The following ST3GAL3 variants were observed in gnomAD, a reference collection of about 807,000 sequenced individuals.
ST3GAL3 encodes the protein CMP-N-acetylneuraminate-beta-1,4-galactoside alpha-2,3-sialyltransferase.
In ST3GAL3, 21 loss-of-function variants were observed where a neutral mutation model predicts 50.1. That is an observed-to-expected ratio of 0.42 (90% CI 0.30 to 0.60). The LOEUF (loss-of-function observed/expected upper bound fraction) is 0.60, where lower values mean the gene tolerates loss of function less well. Among genes scored for constraint, ST3GAL3 ranks in the 20% least tolerant of loss-of-function variants. The pLI is 0.19. For missense variants in ST3GAL3, 353 were observed against 489.4 expected (o/e 0.72, Z 2.63); for synonymous variants, 183 against 190.0 (o/e 0.96, Z 0.30).
intron 9 of ST3GAL3, among the ~76,000 whole-genome samples, chr1:43,906,052 C>T (rs1160274579): frequency 9.2e-5 from 9 of 98,252 alleles, no homozygotes; most frequent in Admixed American, 5.2e-4. Flanking sequence ...CCCTCCCCCT[C>T]CTGCTCCTCT....
At chr1:43,732,617 G>A (rs1676428892) in intron 1 of ST3GAL3, among the ~76,000 whole-genome samples, 1 of 152,094 alleles carries the variant, frequency 6.6e-6, no homozygotes, top group Non-Finnish European at 1.5e-5. Context: ...TTACTCCTTT[G>A]CATATGCCAT....
Position 43,928,881 on chromosome 1 carries a change from C to T in ST3GAL3, c.1039-1251C>T, listed in dbSNP as rs181240935. Among the ~76,000 whole-genome samples the T allele has an allele frequency of 3.7e-3, 557 of 152,306 alleles. 5 individuals are homozygous for T. Among genetic ancestry groups the T allele is most frequent in the African/African-American group, 0.013 (539 of 41,558 alleles). ...CTGAGATCACACCACTGCACACCAG[C>T]CTGGGCAACAAGAGCGAAACTCTGT... On this transcript the variant is annotated intron_variant, in intron 11 of 11. Transcript: ENST00000347631.
In ST3GAL3 at chr1:43,782,838, CA is replaced by C. The variant is rs1435787263; in HGVS notation, c.119-9260del. Reference sequence around the variant, plus strand: ...CATTTTTTTTTCAAAAGATCAGTGTCAAAATTCGTTTGGCAGTAAAATCTGA... The same window carrying C: ...CATTTTTTTTTCAAAAGATCAGTGTCAAATTCGTTTGGCAGTAAAATCTGA... On this transcript the variant is annotated intron_variant, in intron 2 of 11. Transcript: ENST00000347631. Among the ~76,000 whole-genome samples, 12 of 152,102 alleles carry C rather than the reference CA, an allele frequency of 7.9e-5. No homozygotes were observed. The East Asian group carries it at 2.3e-3, about 29-fold the overall frequency.
chr1:43,831,366 G>A (rs1287927134), intron 4 of ST3GAL3, among the ~76,000 whole-genome samples: 1 of 152,228 alleles, frequency 6.6e-6, no homozygotes, highest in African/African-American at 2.4e-5. Context: ...GTCCATGTAT[G>A]ATATATTGAC....
chr1:43,889,291 A>G (rs987706661), intron 5 of ST3GAL3, among the ~76,000 whole-genome samples: 1 of 152,154 alleles, frequency 6.6e-6, no homozygotes, highest in Admixed American at 6.5e-5. Context: ...ATAAAAATGA[A>G]TACTGTATGG....
intron 9 of ST3GAL3, among the ~76,000 whole-genome samples, chr1:43,905,435 GTCCTGCTCCTCTTCCCA>G (rs1557445963): frequency 3.3e-4 from 8 of 24,604 alleles, no homozygotes; most frequent in Non-Finnish European, 4.5e-4. Context: ...CCTCCCCCTC[GTCCTGCTCCTCTTCCCA>G]CCACTGTTCC....
intron 5 of ST3GAL3, among the ~76,000 whole-genome samples, chr1:43,871,306 C>G (rs1244625053): frequency 6.6e-6 from 1 of 152,174 alleles, no homozygotes; most frequent in African/African-American, 2.4e-5. Flanking sequence ...TGGTAGAGAA[C>G]TCAGGAGAAG....
Position 43,898,219 on chromosome 1 carries a change from TCTC to T in ST3GAL3, c.398-12_398-10del. ...TAAGTGACCCTGTAACAGAAACCTC[TCTC>T]CTCTGTCTGCAGACAATCTGATCAA... On this transcript the variant is annotated splice_polypyrimidine_tract_variant and intron_variant, in intron 6 of 11. Transcript: ENST00000347631. 6.2e-7 allele frequency: 1 copy of T among 1,613,646 alleles called. No individual in the cohort carries two copies. Among genetic ancestry groups the T allele is most frequent in the Non-Finnish European group, 8.5e-7 (1 of 1,179,876 alleles).
chr1:43,880,019 C>T (rs1383572140), intron 5 of ST3GAL3, among the ~76,000 whole-genome samples: 1 of 152,224 alleles, frequency 6.6e-6, no homozygotes, highest in African/African-American at 2.4e-5. Flanking sequence ...CACAGCTTAG[C>T]AATCCTTGTC....
chr1:43,751,148 G>A (rs1685907046), intron 2 of ST3GAL3, among the ~76,000 whole-genome samples: 1 of 152,104 alleles, frequency 6.6e-6, no homozygotes, highest in Non-Finnish European at 1.5e-5. Flanking sequence ...TATTCTCACT[G>A]TTTTTTAAAG....
At chr1:43,819,913 T>TA (rs2061872924) in intron 4 of ST3GAL3, among the ~76,000 whole-genome samples, 1 of 152,178 alleles carries the variant, frequency 6.6e-6, no homozygotes, top group Admixed American at 6.5e-5. Context: ...GGTAATGACT[T>TA]ACAGCTGCAT....
At chr1:43,847,270 C>T (rs1401755619) in intron 5 of ST3GAL3, among the ~76,000 whole-genome samples, 2 of 152,088 alleles carry the variant, frequency 1.3e-5, no homozygotes, top group African/African-American at 2.4e-5. Context: ...ATAGGATTGC[C>T]GTATGATCCA....
At chr1:43,854,891 C>T (rs150950513) in intron 5 of ST3GAL3, among the ~76,000 whole-genome samples, 3 of 152,266 alleles carry the variant, frequency 2.0e-5, no homozygotes, top group Non-Finnish European at 4.4e-5. Flanking sequence ...GTCTTCTTTC[C>T]GAGGTCAGTT....
At chr1:43,763,354 G>A (rs988490521) in intron 2 of ST3GAL3, among the ~76,000 whole-genome samples, 3 of 152,090 alleles carry the variant, frequency 2.0e-5, no homozygotes, top group Admixed American at 6.6e-5. Flanking sequence ...GTAGCTGGTT[G>A]TTATATTCCT....
intron 9 of ST3GAL3, among the ~76,000 whole-genome samples, chr1:43,905,441 C>T (rs1016865296): frequency 3.9e-4 from 45 of 115,980 alleles, no homozygotes; most frequent in Non-Finnish European, 6.4e-4. Flanking sequence ...CCTCGTCCTG[C>T]TCCTCTTCCC....
rs2072748087 is a variant in ST3GAL3, at chr1:43,871,520, ATGGGGTG to A, written c.303-22860_303-22854del. Among the ~76,000 whole-genome samples the A allele has an allele frequency of 1.3e-4, 7 of 53,884 alleles. No homozygotes were observed. In the East Asian group the frequency reaches 3.6e-3, roughly 28 times the overall value. The allele number at this position is 53,884 out of a possible 152,430, so 35.3% of individuals were successfully genotyped here. On this transcript the variant is annotated intron_variant, in intron 5 of 11. Transcript: ENST00000347631. The stretch of plus-strand genomic sequence containing the variant: ...GAGAGGATGGGGTGTGAGGGAGAGG[ATGGGGTG>A]TGAGGGAGAGGATGGGGTGTGTGGG...
At chr1:43,730,973 G>C (rs188337671) in intron 1 of ST3GAL3, among the ~76,000 whole-genome samples, 1 of 152,150 alleles carries the variant, frequency 6.6e-6, no homozygotes, top group Admixed American at 6.5e-5. Context: ...CCACTTTTCA[G>C]AGATAATTAT....
chr1:43,719,566 G>C (rs1237299443), intron 1 of ST3GAL3, among the ~76,000 whole-genome samples: 1 of 151,974 alleles, frequency 6.6e-6, no homozygotes, highest in African/African-American at 2.4e-5. Context: ...ATGGGAGGCC[G>C]AGGCACGAGA....
chr1:43,847,417 G>A (rs1213653534), intron 5 of ST3GAL3, among the ~76,000 whole-genome samples: 1 of 152,210 alleles, frequency 6.6e-6, no homozygotes, highest in East Asian at 1.9e-4. Flanking sequence ...TAAACAAAAT[G>A]TGGTATGCAT....
Sources: gnomAD v4.1 joint callset for allele counts (sites outside exome capture counted in the v4.1 genomes callset) on GRCh38, gnomAD v4.1.1 for gene constraint, MANE v1.5 for transcripts, NCBI Gene and HGNC (gene_info 2026-07-23, HGNC 2026-07-21) for gene names.